Variants in PTPRJ observed in about 807,000 individuals in gnomAD.
PTPRJ encodes the protein receptor-type tyrosine-protein phosphatase eta.
A neutral mutation model predicts 141.3 loss-of-function variants in PTPRJ; 129 were observed. That is an observed-to-expected ratio of 0.91 (90% CI 0.79 to 1.06). The LOEUF is 1.06. Ranked by LOEUF, PTPRJ falls within the 50% of genes least tolerant of loss-of-function variation. PTPRJ has a pLI of 0.00. For synonymous variants in PTPRJ, 610 were observed against 640.5 expected, an observed-to-expected ratio of 0.95 and a Z score of 0.72; for missense variants, 1,601 against 1,679.7, an observed-to-expected ratio of 0.95 and a Z score of 0.82.
At chr11:48,091,755 A>G (rs1855870880) in intron 1 of PTPRJ, among the ~76,000 whole-genome samples, 1 of 152,174 alleles carries the variant, frequency 6.6e-6, no homozygotes, top group African/African-American at 2.4e-5. Context: ...AGCTTTTTGG[A>G]AATACCTCCC....
intron 1 of PTPRJ, among the ~76,000 whole-genome samples, chr11:48,055,941 T>C (rs1280335294): frequency 6.6e-6 from 1 of 152,224 alleles, no homozygotes; most frequent in Non-Finnish European, 1.5e-5. Context: ...CTTGCTGGCA[T>C]GCATAGGTCA....
At chr11:48,125,237 T>C (rs1856807411) in intron 6 of PTPRJ, 51 bp downstream of exon 6, 1 of 1,571,638 alleles carries the variant, frequency 6.4e-7, no homozygotes, top group East Asian at 2.2e-5. Context: ...TAGCACAATG[T>C]TCTGTCTCCT....
chr11:48,156,632 C>A (rs1857614233), intron 21 of PTPRJ, among the ~76,000 whole-genome samples: 1 of 141,768 alleles, frequency 7.1e-6, no homozygotes. Flanking sequence ...TCTCCTCTGT[C>A]AGCCAGCCTG....
intron 1 of PTPRJ, among the ~76,000 whole-genome samples, chr11:48,005,810 G>A (rs1286528908): frequency 6.6e-6 from 1 of 152,228 alleles, no homozygotes. Flanking sequence ...CAAGCTTCAT[G>A]TGCTTCCTTT....
In PTPRJ at chr11:48,053,122, A is replaced by G. The variant is rs191908307; in HGVS notation, c.97-56936A>G. On this transcript the variant is annotated intron_variant, in intron 1 of 24. Coordinates refer to ENST00000418331, the MANE Select transcript of PTPRJ (RefSeq NM_002843.4). ...TTATATAATATATATAAAATATATT[A>G]TATATAAATATATAAATATATAAAA... Among the ~76,000 whole-genome samples the G allele has an allele frequency of 1.0e-3, 120 of 118,510 alleles. 1 individual carries two copies. In the Admixed American group the frequency reaches 0.01, roughly 10 times the overall value. The allele number at this position is 118,510 out of a possible 152,430, so 77.7% of individuals were successfully genotyped here.
intron 1 of PTPRJ, 135 bp downstream of exon 1, chr11:47,981,143 G>T: frequency 1.1e-6 from 1 of 935,338 alleles, no homozygotes; most frequent in Non-Finnish European, 1.4e-6. Context: ...TCCCCGGAAG[G>T]CGACTTGCGG....
In PTPRJ at chr11:48,167,445, A is replaced by G. The variant is rs1857943703; in HGVS notation, c.*83A>G. ...CATGCCCCGATGTCGACATGTTTTT[A>G]TATGTCTAATATCTTAATTCTTTGT... On this transcript the variant is annotated 3_prime_UTR_variant, in exon 25 of 25. Transcript: ENST00000418331. 2.9e-6 allele frequency: 4 copies of G among 1,397,568 alleles called. No individual in the cohort carries two copies. The highest frequency in any genetic ancestry group is 3.0e-6 in the Non-Finnish European group (3 of 1,016,816). 86.6% of individuals were successfully genotyped at this position (1,397,568 alleles called of 1,614,324 possible).
intron 1 of PTPRJ, among the ~76,000 whole-genome samples, chr11:48,011,090 G>A (rs1310644410): frequency 6.6e-6 from 1 of 152,062 alleles, no homozygotes; most frequent in South Asian, 2.1e-4. Flanking sequence ...CAGGGACCAG[G>A]GCCCCTGGGC....
rs372397057 is a variant in PTPRJ at position 48,158,420 on chromosome 11, TAAC to T, written c.3439-1506_3439-1504del. 2.6e-3 allele frequency among the ~76,000 whole-genome samples: 394 copies of T among 152,252 alleles called. 2 individuals carry two copies. The highest frequency in any genetic ancestry group is 9.4e-3 in the African/African-American group (392 of 41,564). On this transcript the variant is annotated intron_variant, in intron 21 of 24. Coordinates refer to ENST00000418331, the MANE Select transcript of PTPRJ (RefSeq NM_002843.4). This position sits in a 1 kb window ranked among gnomAD's most constrained non-coding sequence, Gnocchi z 4.4. ...CTCCATATATGTTATTTTTTTTCTG[TAAC>T]AACCCTGTGAGGTATTATGATTTCA...
intron 22 of PTPRJ, among the ~76,000 whole-genome samples, chr11:48,163,236 C>T (rs140231077): frequency 1.3e-5 from 2 of 152,292 alleles, no homozygotes; most frequent in African/African-American, 4.8e-5. Context: ...CTGTGAATCT[C>T]TGCTGCCTCA....
In PTPRJ at chr11:48,145,070, A is replaced by G; in HGVS notation, c.2857A>G (p.Ser953Gly). The change falls in exon 14 of 25, where the codon AGC (serine) becomes GGC (glycine). Residue 953 changes from serine (S) to glycine (G), a missense_variant. Ser to Gly is a moderately conservative substitution (Grantham distance 56, BLOSUM62 0). Coordinates refer to ENST00000418331, the MANE Select transcript of PTPRJ (RefSeq NM_002843.4). The part of the protein sequence containing the change: ...QNKGLIDGAE[S>G]YVSFSRYSDA... ...CAAGGGGCTCATTGATGGGGCTGAGAGCTATGTGTCCTTCAGTCGCTACTC... is the reference window on the plus strand; with the variant it reads ...CAAGGGGCTCATTGATGGGGCTGAGGGCTATGTGTCCTTCAGTCGCTACTC... 6.2e-7 allele frequency: 1 copy of G among 1,614,164 alleles called. No individual in the cohort carries two copies. The highest frequency in any genetic ancestry group is 2.2e-5 in the East Asian group (1 of 44,880).
At chr11:48,022,185 C>G (rs926131825) in intron 1 of PTPRJ, among the ~76,000 whole-genome samples, 1 of 142,224 alleles carries the variant, frequency 7.0e-6, no homozygotes, top group African/African-American at 3.0e-5. Flanking sequence ...TGATGAAGTC[C>G]GGGCGCGGTG....
rs777942402 is a variant in PTPRJ at position 48,125,033 on chromosome 11, G to C, written c.940G>C (p.Val314Leu). The C allele has an allele frequency of 1.2e-6, 2 of 1,613,960 alleles. No individual in the cohort carries two copies. The highest frequency in any genetic ancestry group is 1.7e-6 in the Non-Finnish European group (2 of 1,180,016). Residue 314 changes from valine (V) to leucine (L), a missense_variant, in exon 6 of 25, where the codon GTG becomes CTG. Coordinates refer to ENST00000418331, the MANE Select transcript of PTPRJ (RefSeq NM_002843.4). The part of the protein sequence containing the change: ...PTAPVHDESL[V>L]GPVDPSSGQQ... ...CGCCCCTGTGCATGATGAGTCCCTC[G>C]TGGGACCTGTGGACCCATCCTCCGG...
At position 48,087,686 on chromosome 11, in the gene PTPRJ, A is replaced by G. The variant is rs555434217; in HGVS notation, c.97-22372A>G. Among the ~76,000 whole-genome samples the G allele has an allele frequency of 5.3e-5, 8 of 152,330 alleles. No individual in the cohort carries two copies. In the South Asian group the frequency reaches 1.7e-3, roughly 32 times the overall value. ...ACGATGGTCATGAGCACTGGTTTTG[A>G]GTCATCCATTTGAACACACCTGTGT... On this transcript the variant is annotated intron_variant, in intron 1 of 24. Coordinates refer to ENST00000418331, the MANE Select transcript of PTPRJ (RefSeq NM_002843.4).
chr11:48,098,142 C>T (rs1328120526), intron 1 of PTPRJ, among the ~76,000 whole-genome samples: 1 of 152,200 alleles, frequency 6.6e-6, no homozygotes, highest in Non-Finnish European at 1.5e-5. Flanking sequence ...GGTGTCCGCG[C>T]ATGCCTATTC....
intron 9 of PTPRJ, among the ~76,000 whole-genome samples, chr11:48,136,608 G>T (rs897793974): frequency 3.9e-5 from 6 of 152,190 alleles, no homozygotes; most frequent in African/African-American, 1.4e-4. Context: ...GGAAGATACT[G>T]CCCAGATGAG....
intron 6 of PTPRJ, among the ~76,000 whole-genome samples, chr11:48,126,148 A>G (rs1856823343): frequency 6.6e-6 from 1 of 152,132 alleles, no homozygotes; most frequent in Admixed American, 6.5e-5. Context: ...GCCCTGCGTC[A>G]AGCCATGCAC....
intron 8 of PTPRJ, among the ~76,000 whole-genome samples, chr11:48,133,824 G>A (rs1031824279): frequency 6.6e-6 from 1 of 152,158 alleles, no homozygotes; most frequent in African/African-American, 2.4e-5. Flanking sequence ...TGGATCTTGA[G>A]GACATTATGC....
chr11:48,026,880 C>T (rs1374925982), intron 1 of PTPRJ, among the ~76,000 whole-genome samples: 1 of 151,998 alleles, frequency 6.6e-6, no homozygotes, highest in African/African-American at 2.4e-5. Context: ...CCCCGAAGTC[C>T]ACTGTGTCAT....
Sources: gnomAD v4.1 joint callset for allele counts (sites outside exome capture counted in the v4.1 genomes callset) on GRCh38, gnomAD v4.1.1 for gene constraint, Gnocchi (gnomAD v3.1) non-coding constraint, MANE v1.5 for transcripts, NCBI Gene and HGNC (gene_info 2026-07-23, HGNC 2026-07-21) for gene names.